Variants in GUCD1 observed in about 807,000 individuals in gnomAD.
GUCD1 encodes the protein guanylyl cyclase domain containing 1, also known as protein GUCD1.
A neutral mutation model predicts 28.3 loss-of-function variants in GUCD1; 17 were observed. The ratio of observed to expected loss-of-function variants is 0.60; its 90% CI spans 0.41 to 0.90. The LOEUF is 0.90. Ranked by LOEUF, GUCD1 falls within the 40% of genes least tolerant of loss-of-function variation. GUCD1 has a pLI of 0.00. For synonymous variants in GUCD1, 129 were observed against 123.3 expected, an observed-to-expected ratio of 1.05 and a Z score of -0.30; for missense variants, 279 against 305.5, an observed-to-expected ratio of 0.91 and a Z score of 0.65.
chr22:24,554,226 GTA>G (rs1198429663), intron 1 of GUCD1, among the ~76,000 whole-genome samples: 2 of 152,210 alleles, frequency 1.3e-5, no homozygotes, highest in African/African-American at 4.8e-5. Context: ...GGAAAGGCAA[GTA>G]TCTTGTCTCA....
chr22:24,543,497 T>C (rs911034789), intron 5 of GUCD1, among the ~76,000 whole-genome samples: 24 of 152,114 alleles, frequency 1.6e-4, no homozygotes, highest in Admixed American at 1.5e-3. Flanking sequence ...GCCGGGCTTT[T>C]CTTTCTGAGG....
chr22:24,552,160 C>T (rs559587045), intron 1 of GUCD1, among the ~76,000 whole-genome samples: 2 of 152,286 alleles, frequency 1.3e-5, no homozygotes, highest in Admixed American at 1.3e-4. Flanking sequence ...CTCAGAGTCT[C>T]CAGAACTGTG....
intron 4 of GUCD1, among the ~76,000 whole-genome samples, chr22:24,545,602 A>C (rs7286315): frequency 0.23 from 34,991 of 150,194 alleles, 4,896 homozygotes; most frequent in African/African-American, 0.4. Flanking sequence ...ATCCCACCCC[A>C]CTATATTCTT....
chr22:24,543,182 G>T, intron 5 of GUCD1, 85 bp from the exon 6 acceptor site: 2 of 971,478 alleles, frequency 2.1e-6, no homozygotes, highest in Non-Finnish European at 1.7e-6. Context: ...GGGGAGCTGA[G>T]TGAGGTCTGT....
intron 5 of GUCD1, 70 bp from the exon 6 acceptor site, chr22:24,543,167 GC>G: frequency 9.2e-7 from 1 of 1,085,910 alleles, no homozygotes; most frequent in Non-Finnish European, 1.4e-6. Flanking sequence ...CCGACACAGT[GC>G]CCAGGGGAGC....
rs1408022925 is a variant in GUCD1, at chr22:24,540,635, CAA to C, written c.*2369_*2370del. Reference sequence around the variant, plus strand: ...AGCTGTCGGTGTCATGTGCTGTGGGCAAAAGTCCCTGATGTCCAGGCTCTCTG... The same window carrying C: ...AGCTGTCGGTGTCATGTGCTGTGGGCAAGTCCCTGATGTCCAGGCTCTCTG... On this transcript the variant is annotated 3_prime_UTR_variant, in exon 6 of 6. Coordinates refer to ENST00000435822, the MANE Select transcript of GUCD1 (RefSeq NM_001284254.2). 2.0e-5 allele frequency: 3 copies of C among 152,218 alleles called. No individual in the cohort carries two copies. Among genetic ancestry groups the C allele is most frequent in the Non-Finnish European group, 4.4e-5 (3 of 68,062 alleles). 9.4% of individuals were successfully genotyped at this position (152,218 alleles called of 1,614,324 possible).
intron 1 of GUCD1, among the ~76,000 whole-genome samples, chr22:24,552,692 C>A (rs1390942416): frequency 6.6e-6 from 1 of 151,888 alleles, no homozygotes; most frequent in Non-Finnish European, 1.5e-5. Context: ...ATTGCTTGAA[C>A]CTGGGAGGCG....
At chr22:24,554,720 G>A (rs778556450) in intron 1 of GUCD1, among the ~76,000 whole-genome samples, 16 of 152,212 alleles carry the variant, frequency 1.1e-4, no homozygotes, top group Non-Finnish European at 2.4e-4. Context: ...GCTCCAGCAG[G>A]ACTTTTCGCT....
rs1051290459 is a variant in GUCD1, at chr22:24,540,503, G to A, written c.*2503C>T. 6.6e-6 allele frequency: 1 copy of A among 152,206 alleles called. No homozygotes were observed. Among genetic ancestry groups the A allele is most frequent in the Non-Finnish European group, 1.5e-5 (1 of 68,042 alleles). 9.4% of individuals were successfully genotyped at this position (152,206 alleles called of 1,614,324 possible). A position where few individuals can be genotyped will look rare whatever the true frequency, so the allele number is the denominator to read the frequency against. ...CAAACAAAATATATATAAAATCTCT[G>A]CAATGCAAAAGATCCCTTTCATCCC... On this transcript the variant is annotated 3_prime_UTR_variant, in exon 6 of 6. Coordinates refer to ENST00000435822, the MANE Select transcript of GUCD1 (RefSeq NM_001284254.2).
At chr22:24,547,227 TGAGA>T in intron 3 of GUCD1, 1 of 526,886 alleles carries the variant, frequency 1.9e-6, no homozygotes, top group African/African-American at 1.9e-5. Flanking sequence ...GGATGATGCT[TGAGA>T]GAGGGGTGGG....
intron 2 of GUCD1, 91 bp downstream of exon 2, chr22:24,548,826 A>G (rs1194190693): frequency 1.0e-6 from 1 of 956,810 alleles, no homozygotes; most frequent in Non-Finnish European, 1.6e-6. Flanking sequence ...AGATAGCTAC[A>G]TGGACCATGG....
chr22:24,548,157 C>A, intron 2 of GUCD1, 84 bp from the exon 3 acceptor site: 2 of 1,175,746 alleles, frequency 1.7e-6, no homozygotes, highest in Admixed American at 3.8e-5. Flanking sequence ...GCCCAAGAGC[C>A]CCGTCACAGG....
intron 1 of GUCD1, among the ~76,000 whole-genome samples, chr22:24,550,684 C>T (rs971106788): frequency 2.0e-5 from 3 of 152,196 alleles, no homozygotes; most frequent in African/African-American, 4.8e-5. Context: ...CCAGCTAAGA[C>T]GGCCACTCAC....
intron 5 of GUCD1, 81 bp from the exon 6 acceptor site, chr22:24,543,178 C>T: frequency 1.0e-6 from 1 of 995,342 alleles, no homozygotes; most frequent in Non-Finnish European, 1.6e-6. Context: ...CCCAGGGGAG[C>T]TGAGTGAGGT....
In GUCD1 at chr22:24,554,972, G is replaced by A. The variant is rs2044999075; in HGVS notation, c.20C>T (p.Ala7Val). ...ACCGGGCTCGAGCGGCGGCCCCGCT[G>A]CCTCCGCCTCCGTCCTCATGACCCG... MRTEAE[A>V]AGPPLEPGDF... Residue 7 changes from alanine to valine, a missense_variant, in exon 1 of 6, where the codon GCA (alanine) becomes GTA (valine). Transcript: ENST00000435822. The A allele has an allele frequency of 6.4e-7, 1 of 1,562,040 alleles. No homozygotes were observed. Among genetic ancestry groups the A allele is most frequent in the Non-Finnish European group, 8.6e-7 (1 of 1,157,570 alleles).
intron 3 of GUCD1, chr22:24,547,657 G>A: frequency 2.1e-6 from 1 of 480,340 alleles, no homozygotes; most frequent in Non-Finnish European, 3.8e-6. Flanking sequence ...GAGGGCTGTA[G>A]AAGGCAGGTG....
At chr22:24,546,848 C>G in intron 4 of GUCD1, 66 bp downstream of exon 4, 1 of 1,393,184 alleles carries the variant, frequency 7.2e-7, no homozygotes, top group Non-Finnish European at 1.0e-6. Flanking sequence ...CCGAGGCCTC[C>G]CCACTGCAGA....
chr22:24,547,816 C>T, intron 3 of GUCD1, 92 bp downstream of exon 3: 1 of 1,373,552 alleles, frequency 7.3e-7, no homozygotes, highest in African/African-American at 1.4e-5. Context: ...GGTGTCTAGC[C>T]CTTGACTGTT....
At chr22:24,549,407 C>T (rs567442149) in intron 1 of GUCD1, among the ~76,000 whole-genome samples, 2 of 152,324 alleles carry the variant, frequency 1.3e-5, no homozygotes, top group South Asian at 4.1e-4. Context: ...GATGTCACTT[C>T]TCCAGTATTG....
Sources: allele counts gnomAD v4.1 joint callset (sites outside exome capture counted in the v4.1 genomes callset), GRCh38; gene constraint gnomAD v4.1.1; transcripts MANE v1.5; gene names NCBI Gene and HGNC (gene_info 2026-07-23, HGNC 2026-07-21).